The following SEC24B variants were observed in gnomAD, a reference collection of about 807,000 sequenced individuals.
SEC24B encodes protein transport protein Sec24B.
A neutral mutation model predicts 142.8 loss-of-function variants in SEC24B; 45 were observed. The ratio of observed to expected loss-of-function variants is 0.32; its 90% CI spans 0.25 to 0.40. SEC24B has a LOEUF of 0.40. Ranked by LOEUF, SEC24B falls within the 10% of genes least tolerant of loss-of-function variation. The pLI, the probability that SEC24B is intolerant of heterozygous loss-of-function variation, is 1.00. For synonymous variants in SEC24B, 574 were observed against 568.2 expected (o/e 1.01, Z -0.15); for missense variants, 1,409 against 1,526.8 (o/e 0.92, Z 1.29).
At chr4:109,525,571 A>G in intron 16 of SEC24B, 67 bp downstream of exon 16, 1 of 1,080,446 alleles carries the variant, frequency 9.3e-7, no homozygotes, top group Non-Finnish European at 1.3e-6. Context: ...CATTCCATGT[A>G]TTGACTACCT....
chr4:109,516,652 T>C lies in SEC24B; in HGVS notation c.2126+12T>C. 1 of 1,398,312 alleles carries C rather than the reference T, an allele frequency of 7.2e-7. No individual in the cohort carries two copies. Among genetic ancestry groups the C allele is most frequent in the Non-Finnish European group, 1.0e-6 (1 of 990,520 alleles). 86.6% of individuals were successfully genotyped at this position (1,398,312 alleles called of 1,614,324 possible). Reference sequence around the variant, plus strand: ...GAAAATCTAGACAAGTAAGAATATTTTTAATTCATACTATACATATGTGTA... The same window carrying C: ...GAAAATCTAGACAAGTAAGAATATTCTTAATTCATACTATACATATGTGTA... On this transcript the variant is annotated intron_variant, in intron 11 of 23. Coordinates refer to ENST00000265175, the MANE Select transcript of SEC24B (RefSeq NM_006323.5).
At chr4:109,469,767 T>C (rs1732323708) in intron 2 of SEC24B, among the ~76,000 whole-genome samples, 2 of 152,202 alleles carry the variant, frequency 1.3e-5, no homozygotes, top group Admixed American at 1.3e-4. Context: ...CACATAATGC[T>C]AGCCACAAAG....
chr4:109,534,596 A>G (rs1262078473), intron 22 of SEC24B, among the ~76,000 whole-genome samples: 1 of 152,206 alleles, frequency 6.6e-6, no homozygotes, highest in Non-Finnish European at 1.5e-5. Context: ...AAAAAAAGAA[A>G]AAAAAATTAA....
chr4:109,475,468 T>A (rs939808206), intron 3 of SEC24B, among the ~76,000 whole-genome samples: 3 of 152,232 alleles, frequency 2.0e-5, no homozygotes, highest in African/African-American at 7.2e-5. Flanking sequence ...GTTGCTTAGT[T>A]GTTCTCCCAA....
intron 5 of SEC24B, among the ~76,000 whole-genome samples, chr4:109,492,468 A>G (rs966764583): frequency 6.6e-6 from 1 of 152,198 alleles, no homozygotes; most frequent in Non-Finnish European, 1.5e-5. Context: ...TGTCTAGTGT[A>G]GTATAGTTGA....
rs546427608 is a variant in SEC24B at position 109,445,249 on chromosome 4, T to G, written c.133+11247T>G. Reference sequence around the variant, plus strand: ...TTTTTTCTTTCTTTCTTTGTTTTTTTTTTTTTTTTTTTGAGACGGAGTCTT... The same window carrying G: ...TTTTTTCTTTCTTTCTTTGTTTTTTGTTTTTTTTTTTTGAGACGGAGTCTT... On this transcript the variant is annotated intron_variant, in intron 1 of 23. Coordinates refer to ENST00000265175, the MANE Select transcript of SEC24B (RefSeq NM_006323.5). 4.1e-5 allele frequency among the ~76,000 whole-genome samples: 6 copies of G among 145,254 alleles called. No individual in the cohort carries two copies. In the South Asian group the frequency reaches 8.8e-4, roughly 21 times the overall value.
chr4:109,507,706 C>T (rs949248318), intron 7 of SEC24B, among the ~76,000 whole-genome samples: 23 of 152,022 alleles, frequency 1.5e-4, no homozygotes, highest in African/African-American at 5.3e-4. Context: ...AGTGCAATAA[C>T]GCCATCTCGG....
intron 1 of SEC24B, among the ~76,000 whole-genome samples, chr4:109,437,791 A>T (rs1345546151): frequency 6.6e-6 from 1 of 152,010 alleles, no homozygotes. Flanking sequence ...CTCCTGGGTA[A>T]TTTTTGTATT....
At chr4:109,513,517 C>T (rs992376664) in intron 9 of SEC24B, among the ~76,000 whole-genome samples, 2 of 152,030 alleles carry the variant, frequency 1.3e-5, no homozygotes, top group African/African-American at 2.4e-5. Context: ...CTCCTGACCT[C>T]GTGATCCGCC....
At chr4:109,530,993 A>G (rs1173943515) in intron 19 of SEC24B, among the ~76,000 whole-genome samples, 2 of 152,030 alleles carry the variant, frequency 1.3e-5, no homozygotes, top group Admixed American at 6.6e-5. Flanking sequence ...CTCTTCTTTA[A>G]TGTGTGTGAG....
intron 3 of SEC24B, among the ~76,000 whole-genome samples, chr4:109,477,783 TA>T (rs1386005780): frequency 6.6e-6 from 1 of 152,178 alleles, no homozygotes; most frequent in East Asian, 1.9e-4. Context: ...TGTTGGTAAA[TA>T]TTTTTTTGTT....
chr4:109,484,395 G>A (rs572020938), intron 4 of SEC24B, among the ~76,000 whole-genome samples: 10 of 152,096 alleles, frequency 6.6e-5, no homozygotes, highest in Non-Finnish European at 1.0e-4. Flanking sequence ...ATATTGATGA[G>A]GTTAACTTTT....
intron 10 of SEC24B, 98 bp from the exon 11 acceptor site, chr4:109,516,430 G>T: frequency 1.6e-6 from 1 of 643,954 alleles, no homozygotes; most frequent in Non-Finnish European, 2.6e-6. Context: ...TGTATTTTTT[G>T]TGTTAATATA....
intron 4 of SEC24B, among the ~76,000 whole-genome samples, chr4:109,489,077 G>A (rs191546468): frequency 4.6e-5 from 7 of 151,964 alleles, no homozygotes; most frequent in Admixed American, 2.6e-4. Context: ...TTGATGATAC[G>A]GTAACCTTTA....
chr4:109,492,819 A>G (rs1452219773), intron 5 of SEC24B, among the ~76,000 whole-genome samples: 2 of 151,474 alleles, frequency 1.3e-5, no homozygotes, highest in Admixed American at 6.6e-5. Context: ...GGCTCAAGCC[A>G]TCCTCCCTTT....
intron 1 of SEC24B, among the ~76,000 whole-genome samples, chr4:109,451,942 T>C (rs1730138691): frequency 6.6e-6 from 1 of 152,186 alleles, no homozygotes. Flanking sequence ...CCTGGTTGAT[T>C]TTTAAAGAAA....
chr4:109,444,681 T>C (rs939302440), intron 1 of SEC24B, among the ~76,000 whole-genome samples: 2 of 152,170 alleles, frequency 1.3e-5, no homozygotes, highest in Non-Finnish European at 2.9e-5. Context: ...AAGGAGGGCA[T>C]ACATGCTTAT....
At chr4:109,507,225 G>A (rs1482388141) in intron 7 of SEC24B, among the ~76,000 whole-genome samples, 1 of 150,946 alleles carries the variant, frequency 6.6e-6, no homozygotes, top group African/African-American at 2.4e-5. Context: ...CCTGCATCTG[G>A]AATTTCTCCT....
chr4:109,471,053 G>T (rs185245437), intron 2 of SEC24B, among the ~76,000 whole-genome samples: 2 of 150,914 alleles, frequency 1.3e-5, no homozygotes, highest in African/African-American at 2.5e-5. Flanking sequence ...GAGTTCATGG[G>T]TATTTATTTT....
Sources: allele counts gnomAD v4.1 joint callset (sites outside exome capture counted in the v4.1 genomes callset), GRCh38; gene constraint gnomAD v4.1.1; transcripts MANE v1.5; gene names NCBI Gene and HGNC (gene_info 2026-07-23, HGNC 2026-07-21).